B3GNT3: variants seen among roughly 807,000 people sequenced by gnomAD.
The protein encoded by B3GNT3 is UDP-GlcNAc:betaGal beta-1,3-N-acetylglucosaminyltransferase 3.
In B3GNT3, 7 loss-of-function variants were observed where a neutral mutation model predicts 11.6. That is an observed-to-expected ratio of 0.60 (90% CI 0.34 to 1.13). The LOEUF (loss-of-function observed/expected upper bound fraction) is 1.13. B3GNT3 is among the 50% of genes most tolerant of loss of function. The probability of loss-of-function intolerance (pLI) is 0.03; values close to 1 mark genes in which losing one functional copy is unlikely to be tolerated. For missense variants in B3GNT3, 400 were observed against 507.4 expected, an observed-to-expected ratio of 0.79 and a Z score of 2.03; for synonymous variants, 201 against 222.1, an observed-to-expected ratio of 0.90 and a Z score of 0.85.
intron 1 of B3GNT3, among the ~76,000 whole-genome samples, chr19:17,807,104 T>C (rs1000867466): frequency 3.6e-4 from 13 of 36,200 alleles, no homozygotes; most frequent in African/African-American, 1.2e-3. Context: ...CAGGGAGCAG[T>C]GGCCCCAGTG....
chr19:17,809,764 T>A (rs551838677), intron 2 of B3GNT3, among the ~76,000 whole-genome samples: 2 of 151,896 alleles, frequency 1.3e-5, no homozygotes, highest in African/African-American at 4.8e-5. Context: ...TCTATTTTTT[T>A]AAAAAAAGAA....
At position 17,807,962 on chromosome 19, in the gene B3GNT3, C is replaced by T. The variant is rs1423354594; in HGVS notation, c.155C>T (p.Pro52Leu). 10 of 1,608,694 alleles carry T rather than the reference C, an allele frequency of 6.2e-6. No homozygotes were observed. Among genetic ancestry groups the T allele is most frequent in the Non-Finnish European group, 8.5e-6 (10 of 1,176,950 alleles). Residue 52 changes from proline (P) to leucine (L), a missense_variant, in exon 2 of 3, where the codon CCA (proline) becomes CTA (leucine). Physicochemically the swap from Pro to Leu is moderately conservative, Grantham distance 98. Transcript: ENST00000318683. ...CCCGAGGCCCTGGCCTGGCCCACTCCACCCACCCGCCCAGCCCCGGCCCCG... is the reference window on the plus strand; with the variant it reads ...CCCGAGGCCCTGGCCTGGCCCACTCTACCCACCCGCCCAGCCCCGGCCCCG... Reference protein sequence around the residue: ...AIPEALAWPTPPTRPAPAPCH... With the variant: ...AIPEALAWPTLPTRPAPAPCH...
chr19:17,800,306 C>T (rs1019069261), intron 1 of B3GNT3, among the ~76,000 whole-genome samples: 1 of 151,816 alleles, frequency 6.6e-6, no homozygotes, highest in Non-Finnish European at 1.5e-5. Flanking sequence ...AACCAGGAGG[C>T]GGAAGTTGCA....
intron 2 of B3GNT3, among the ~76,000 whole-genome samples, chr19:17,810,103 CAACA>C (rs774415371): frequency 1.3e-5 from 2 of 152,184 alleles, no homozygotes; most frequent in Non-Finnish European, 2.9e-5. Context: ...CAGCGCCCGG[CAACA>C]AACAGATACC....
At chr19:17,796,676 T>C (rs550103563) in intron 1 of B3GNT3, among the ~76,000 whole-genome samples, 38 of 152,308 alleles carry the variant, frequency 2.5e-4, no homozygotes, top group Admixed American at 8.5e-4. Flanking sequence ...CAGTCCAGCC[T>C]GGACACCCTC....
At position 17,811,498 on chromosome 19, in the gene B3GNT3, G is replaced by A; in HGVS notation, c.568-73G>A. ...TTCCTTTCCTGGGCTTAGTGGGCTG[G>A]AGTGGCTAATAGAGACCCAAGGCCA... On this transcript the variant is annotated intron_variant, in intron 2 of 2. Coordinates refer to ENST00000318683, the MANE Select transcript of B3GNT3 (RefSeq NM_014256.4). The surrounding 1 kb of genome is among the most constrained non-coding windows in gnomAD (Gnocchi z 4.1). 2.1e-6 allele frequency: 3 copies of A among 1,432,678 alleles called. No homozygotes were observed. The highest frequency in any genetic ancestry group is 2.8e-6 in the Non-Finnish European group (3 of 1,062,930). 88.7% of individuals were successfully genotyped at this position (1,432,678 alleles called of 1,614,324 possible).
rs2094177182 is a variant in B3GNT3 at position 17,808,889 on chromosome 19, GAGT to G, written c.567+516_567+518del. Among the ~76,000 whole-genome samples, 10 of 151,956 alleles carry G rather than the reference GAGT, an allele frequency of 6.6e-5. 1 individual carries two copies. Among genetic ancestry groups the G allele is most frequent in the Admixed American group, 2.6e-4 (4 of 15,244 alleles). On this transcript the variant is annotated intron_variant, in intron 2 of 2. Coordinates refer to ENST00000318683, the MANE Select transcript of B3GNT3 (RefSeq NM_014256.4). ...GAGTCTTGCTCTGTTGCCCAGCCTG[GAGT>G]GCAGTGGTGCGATCTGGGCTTGCTG... is the stretch of plus-strand genomic sequence containing the variant.
At chr19:17,798,313 T>C (rs1194573199) in intron 1 of B3GNT3, among the ~76,000 whole-genome samples, 1 of 152,176 alleles carries the variant, frequency 6.6e-6, no homozygotes, top group Non-Finnish European at 1.5e-5. Flanking sequence ...ATACGCTAGG[T>C]GCTCAGCACT....
rs1231609279 is a variant in B3GNT3 at position 17,799,337 on chromosome 19, C to T, written c.-51+4131C>T. On this transcript the variant is annotated intron_variant, in intron 1 of 2. Coordinates refer to ENST00000318683, the MANE Select transcript of B3GNT3 (RefSeq NM_014256.4). Reference sequence around the variant, plus strand: ...GGGCTGGAGTGCAGTGGCGCAATCTCGGCTCCCTGTAACCTCCACCTCCTG... The same window carrying T: ...GGGCTGGAGTGCAGTGGCGCAATCTTGGCTCCCTGTAACCTCCACCTCCTG... 2.1e-5 allele frequency among the ~76,000 whole-genome samples: 3 copies of T among 146,024 alleles called. 1 individual carries two copies. Among genetic ancestry groups the T allele is most frequent in the Non-Finnish European group, 1.5e-5 (1 of 67,432 alleles).
chr19:17,798,737 G>A (rs1215345310), intron 1 of B3GNT3, among the ~76,000 whole-genome samples: 1 of 151,998 alleles, frequency 6.6e-6, no homozygotes, highest in Admixed American at 6.6e-5. Context: ...CACTTTGGGA[G>A]GCTGAGGTGG....
rs953200731 is a variant in B3GNT3 at position 17,813,408 on chromosome 19, C to T, written c.*1286C>T. 3.3e-5 allele frequency among the ~76,000 whole-genome samples: 5 copies of T among 151,990 alleles called. No homozygotes were observed. Among genetic ancestry groups the T allele is most frequent in the African/African-American group, 7.3e-5 (3 of 41,374 alleles). On this transcript the variant is annotated 3_prime_UTR_variant, in exon 3 of 3. Transcript: ENST00000318683. ...TGGAGGCTGCAGTGAACCATGATTG[C>T]GCCACTGTACTCCACTGGGCGGCAA...
intron 1 of B3GNT3, among the ~76,000 whole-genome samples, chr19:17,801,159 G>A (rs541646225): frequency 6.6e-6 from 1 of 152,090 alleles, no homozygotes; most frequent in African/African-American, 2.4e-5. Flanking sequence ...TTAATGTTCA[G>A]TACTTCACTA....
At chr19:17,804,245 T>C (rs1257519083) in intron 1 of B3GNT3, among the ~76,000 whole-genome samples, 3 of 147,340 alleles carry the variant, frequency 2.0e-5, no homozygotes, top group Non-Finnish European at 4.5e-5. Context: ...TTTTTCTTTT[T>C]TTTTTTTTTT....
In B3GNT3 at chr19:17,813,253, T is replaced by C. The variant is rs2094183547; in HGVS notation, c.*1131T>C. Among the ~76,000 whole-genome samples the C allele has an allele frequency of 6.6e-6, 1 of 152,084 alleles. No individual in the cohort carries two copies. On this transcript the variant is annotated 3_prime_UTR_variant, in exon 3 of 3. Coordinates refer to ENST00000318683, the MANE Select transcript of B3GNT3 (RefSeq NM_014256.4). ...GGGAGACCAAAGTGGGAGGATCACT[T>C]GAGCCCAGGAGTTCTGGATCCTGTC...
chr19:17,807,362 C>T (rs2094174411), intron 1 of B3GNT3, among the ~76,000 whole-genome samples: 1 of 151,562 alleles, frequency 6.6e-6, no homozygotes. Flanking sequence ...CATGGTGGCT[C>T]ACACCTGTAA....
At chr19:17,809,971 C>T (rs1343929301) in intron 2 of B3GNT3, among the ~76,000 whole-genome samples, 3 of 152,076 alleles carry the variant, frequency 2.0e-5, no homozygotes, top group African/African-American at 4.8e-5. Context: ...TGTTTCTCTG[C>T]GGGTGACCTC....
chr19:17,797,029 A>G (rs1340208254), intron 1 of B3GNT3, among the ~76,000 whole-genome samples: 3 of 152,124 alleles, frequency 2.0e-5, no homozygotes, highest in Non-Finnish European at 4.4e-5. Context: ...AAATCTCATC[A>G]GCTGGGAGTT....
At chr19:17,804,240 C>CTTTT (rs773524591) in intron 1 of B3GNT3, among the ~76,000 whole-genome samples, 4 of 112,186 alleles carry the variant, frequency 3.6e-5, no homozygotes, top group African/African-American at 1.4e-4. Context: ...TCTTTTTTTT[C>CTTTT]TTTTTTTTTT....
intron 1 of B3GNT3, among the ~76,000 whole-genome samples, chr19:17,803,221 G>T (rs886999371): frequency 3.3e-5 from 5 of 152,136 alleles, no homozygotes; most frequent in African/African-American, 1.2e-4. Context: ...GGCCAGGCTG[G>T]TCTCAAACTC....
Sources: allele counts gnomAD v4.1 joint callset (sites outside exome capture counted in the v4.1 genomes callset), GRCh38; gene constraint gnomAD v4.1.1; non-coding constraint Gnocchi (gnomAD v3.1); transcripts MANE v1.5; gene names NCBI Gene and HGNC (gene_info 2026-07-23, HGNC 2026-07-21).